The following PAIP1 variants were observed in gnomAD, a reference collection of about 807,000 sequenced individuals.
The protein encoded by PAIP1 is poly(A) binding protein interacting protein 1.
Under a neutral mutation model 61.3 loss-of-function variants are expected in PAIP1, and 16 were observed. The observed-to-expected ratio is 0.26, with a 90% confidence interval of 0.18 to 0.40. The LOEUF is 0.40. PAIP1 is among the 10% of genes least tolerant of loss of function. The probability of loss-of-function intolerance (pLI) is 1.00; values close to 1 mark genes in which losing one functional copy is unlikely to be tolerated. For synonymous variants in PAIP1, 187 were observed against 226.2 expected, an observed-to-expected ratio of 0.83 and a Z score of 1.56; for missense variants, 416 against 600.9, an observed-to-expected ratio of 0.69 and a Z score of 3.22.
intron 1 of PAIP1, 58 bp from the exon 2 acceptor site, chr5:43,556,057 G>T: frequency 1.3e-6 from 2 of 1,547,356 alleles, no homozygotes; most frequent in Non-Finnish European, 1.7e-6. Context: ...ACAGCAACTT[G>T]CTATATACTG....
rs752727421 is a variant in PAIP1, at chr5:43,538,900, C to T, written c.846+24G>A. ...CTTATGTTCTCAGGCCTTGTTAGTA[C>T]TTAACAAAAGAAAAACTTCTCACCT... On this transcript the variant is annotated intron_variant, in intron 5 of 10. Transcript: ENST00000306846. The T allele has an allele frequency of 4.8e-6, 6 of 1,251,532 alleles. No homozygotes were observed. In the South Asian group the frequency reaches 7.2e-5, roughly 15 times the overall value. 77.5% of individuals were successfully genotyped at this position (1,251,532 alleles called of 1,614,324 possible).
intron 10 of PAIP1, among the ~76,000 whole-genome samples, chr5:43,528,974 A>C (rs1281088072): frequency 2.0e-5 from 3 of 152,172 alleles, no homozygotes; most frequent in Non-Finnish European, 4.4e-5. Context: ...CAGATATATA[A>C]ACAGTCCTAT....
chr5:43,556,820 TG>T lies in PAIP1; in HGVS notation c.26del (p.Pro9GlnfsTer86), dbSNP rs1442737917. Reference sequence around the variant, plus strand: ...CCCGGCTCCGGCCCCGACCAGCACCTGGGGCCCGATCGAAACCGTCCGACAT... The same window carrying T: ...CCCGGCTCCGGCCCCGACCAGCACCTGGGCCCGATCGAAACCGTCCGACAT... Reference protein sequence around the residue: MSDGFDRAPGAGRGRSRGL... With the variant: MSDGFDRAXGAGRGRSRGL... On this transcript the variant is annotated frameshift_variant, in exon 1 of 11. Coordinates refer to ENST00000306846, the MANE Select transcript of PAIP1 (RefSeq NM_006451.5). LOFTEE classifies it high-confidence loss of function. 1 of 1,452,180 alleles carries T rather than the reference TG, an allele frequency of 6.9e-7. No individual in the cohort carries two copies. The highest frequency in any genetic ancestry group is 9.1e-7 in the Non-Finnish European group (1 of 1,104,746). The allele number at this position is 1,452,180 out of a possible 1,614,324, so 90.0% of individuals were successfully genotyped here.
chr5:43,546,072 C>A (rs1747622823), intron 3 of PAIP1, among the ~76,000 whole-genome samples: 1 of 152,164 alleles, frequency 6.6e-6, no homozygotes, highest in Non-Finnish European at 1.5e-5. Flanking sequence ...TGCGCCTGGC[C>A]TAATCTGTCA....
chr5:43,540,731 A>AT (rs1747365134), intron 4 of PAIP1, among the ~76,000 whole-genome samples: 1 of 152,222 alleles, frequency 6.6e-6, no homozygotes, highest in African/African-American at 2.4e-5. Context: ...TATTGACAGG[A>AT]TTACAGTACT....
chr5:43,528,906 G>T, intron 10 of PAIP1, among the ~76,000 whole-genome samples: 1 of 152,124 alleles, frequency 6.6e-6, no homozygotes, highest in Non-Finnish European at 1.5e-5. Flanking sequence ...CACTCTGATG[G>T]TAAGTGAGTA....
At chr5:43,553,747 A>G (rs12651879) in intron 2 of PAIP1, among the ~76,000 whole-genome samples, 63,070 of 151,960 alleles carry the variant, frequency 0.42, 15,726 homozygotes, top group East Asian at 0.91. Context: ...GTAAGCCTGA[A>G]TGCCTGTAGA....
intron 2 of PAIP1, among the ~76,000 whole-genome samples, chr5:43,550,226 TAGG>T (rs1448843326): frequency 6.6e-6 from 1 of 152,182 alleles, no homozygotes; most frequent in Non-Finnish European, 1.5e-5. Context: ...TCTACTATAA[TAGG>T]AGGTATTAAT....
chr5:43,555,016 T>C (rs1279263597), intron 2 of PAIP1, among the ~76,000 whole-genome samples: 1 of 152,192 alleles, frequency 6.6e-6, no homozygotes, highest in Admixed American at 6.5e-5. Context: ...ATATTGAAAG[T>C]GAGAAAGAAT....
intron 2 of PAIP1, among the ~76,000 whole-genome samples, chr5:43,550,837 C>CCAAAAAA (rs1747833307): frequency 4.0e-5 from 2 of 49,556 alleles, no homozygotes; most frequent in Non-Finnish European, 6.5e-5. Flanking sequence ...AAATATACTA[C>CCAAAAAA]AAAAAAAAAA....
intron 5 of PAIP1, among the ~76,000 whole-genome samples, chr5:43,538,458 G>A (rs771253813): frequency 1.3e-5 from 2 of 152,016 alleles, no homozygotes; most frequent in Admixed American, 6.5e-5. Flanking sequence ...TATAATTTTT[G>A]TCAATTAAAA....
At chr5:43,542,400 C>T (rs1224815200) in intron 4 of PAIP1, among the ~76,000 whole-genome samples, 11 of 150,908 alleles carry the variant, frequency 7.3e-5, no homozygotes, top group African/African-American at 2.0e-4. Context: ...GGCATGGTGG[C>T]GGGTGCCTGT....
intron 3 of PAIP1, among the ~76,000 whole-genome samples, chr5:43,545,834 A>G (rs1377943207): frequency 6.6e-6 from 1 of 151,604 alleles, no homozygotes; most frequent in East Asian, 1.9e-4. Flanking sequence ...CAGTGGCGCA[A>G]TCTCGGCTCA....
chr5:43,528,022 AT>A (rs1746775660), intron 10 of PAIP1, among the ~76,000 whole-genome samples: 1 of 152,100 alleles, frequency 6.6e-6, no homozygotes, highest in Admixed American at 6.5e-5. Flanking sequence ...TCTATTCCAG[AT>A]TTTTTTCCAA....
At chr5:43,546,281 A>G (rs981638110) in intron 3 of PAIP1, among the ~76,000 whole-genome samples, 1 of 152,272 alleles carries the variant, frequency 6.6e-6, no homozygotes, top group Non-Finnish European at 1.5e-5. Context: ...CCAGCCCTGA[A>G]TAAGTATAAT....
intron 2 of PAIP1, 99 bp downstream of exon 2, chr5:43,555,731 G>T: frequency 2.0e-6 from 2 of 976,454 alleles, no homozygotes; most frequent in African/African-American, 1.6e-5. Flanking sequence ...ATTTTTTTAC[G>T]TGTAGTACAG....
chr5:43,532,377 T>C (rs758341581), intron 9 of PAIP1, among the ~76,000 whole-genome samples: 2 of 152,040 alleles, frequency 1.3e-5, no homozygotes, highest in African/African-American at 2.4e-5. Flanking sequence ...CACAATTTGA[T>C]AGAAGAGTTA....
chr5:43,547,583 A>G (rs983971977), intron 3 of PAIP1, 145 bp downstream of exon 3: 4 of 596,650 alleles, frequency 6.7e-6, no homozygotes, highest in Admixed American at 6.3e-5. Context: ...AGTTTTATAC[A>G]AGACAGACTT....
chr5:43,557,136 C>A, upstream of PAIP1: 1 of 367,792 alleles, frequency 2.7e-6, no homozygotes, highest in Non-Finnish European at 4.5e-6. Flanking sequence ...AGGCGGGTCA[C>A]AGCGGCCCCC....
Sources: allele counts gnomAD v4.1 joint callset (sites outside exome capture counted in the v4.1 genomes callset), GRCh38; gene constraint gnomAD v4.1.1; transcripts MANE v1.5; gene names NCBI Gene and HGNC (gene_info 2026-07-23, HGNC 2026-07-21).